The following LMO3 variants were observed in gnomAD, a reference collection of about 807,000 sequenced individuals.
LMO3 encodes LIM domain only protein 3.
In LMO3, 2 loss-of-function variants were observed where a neutral mutation model predicts 15.8. The observed-to-expected ratio is 0.13, with a 90% CI of 0.05 to 0.40. The LOEUF (loss-of-function observed/expected upper bound fraction) is 0.40, where lower values mean the gene tolerates loss of function less well. LMO3 is among the 10% of genes least tolerant of loss of function. The pLI is 0.99. For synonymous variants in LMO3, 62 were observed against 63.8 expected, an observed-to-expected ratio of 0.97 and a Z score of 0.13; for missense variants, 86 against 182.2, an observed-to-expected ratio of 0.47 and a Z score of 3.04.
rs1423687277 is a variant in LMO3 at position 16,585,071 on chromosome 12, A to G, written c.206+15584T>C. Among the ~76,000 whole-genome samples, 1 of 152,222 alleles carries G rather than the reference A, an allele frequency of 6.6e-6. No individual in the cohort carries two copies. The highest frequency in any genetic ancestry group is 1.5e-5 in the Non-Finnish European group (1 of 68,036). The stretch of plus-strand genomic sequence containing the variant: ...TAGAAAAAATATCTGGTTTATCCAG[A>G]AAAATCAGCAACATTAGGCCCACAT... On this transcript the variant is annotated intron_variant, in intron 2 of 3. Coordinates refer to ENST00000537304, the MANE Select transcript of LMO3 (RefSeq NM_018640.5). This position sits in a 1 kb window ranked among gnomAD's most constrained non-coding sequence, Gnocchi z 4.7.
chr12:16,591,010 C>T lies in LMO3; in HGVS notation c.206+9645G>A, dbSNP rs1943479803. Among the ~76,000 whole-genome samples the T allele has an allele frequency of 6.6e-6, 1 of 151,924 alleles. No individual in the cohort carries two copies. The highest frequency in any genetic ancestry group is 2.1e-4 in the South Asian group (1 of 4,822). On this transcript the variant is annotated intron_variant, in intron 2 of 3. Coordinates refer to ENST00000537304, the MANE Select transcript of LMO3 (RefSeq NM_018640.5). The surrounding 1 kb of genome is among the most constrained non-coding windows in gnomAD (Gnocchi z 4.1). ...ATTCAGCAGATGAATTCTATAATCC[C>T]AAATGAAATTGATTTCACAACTGCC...
At position 16,584,429 on chromosome 12, in the gene LMO3, G is replaced by A. The variant is rs941302845; in HGVS notation, c.206+16226C>T. The stretch of plus-strand genomic sequence containing the variant: ...TGATGGGAAAGGCATCTGGCCAAAA[G>A]ATTGTGGACACAGCAAAAGTTATTG... On this transcript the variant is annotated intron_variant, in intron 2 of 3. Transcript: ENST00000537304. The surrounding 1 kb of genome is among the most constrained non-coding windows in gnomAD (Gnocchi z 5.2). Among the ~76,000 whole-genome samples the A allele has an allele frequency of 6.6e-6, 1 of 152,208 alleles. No homozygotes were observed. Among genetic ancestry groups the A allele is most frequent in the African/African-American group, 2.4e-5 (1 of 41,466 alleles).
rs60838238 is a variant in LMO3 at position 16,559,798 on chromosome 12, G to GAAAAAAAAAAAAA, written c.332+602_332+614dup. Among the ~76,000 whole-genome samples the GAAAAAAAAAAAAA allele has an allele frequency of 7.2e-6, 1 of 138,312 alleles. No homozygotes were observed. The highest frequency in any genetic ancestry group is 1.6e-5 in the Non-Finnish European group (1 of 63,886). 90.7% of individuals were successfully genotyped at this position (138,312 alleles called of 152,430 possible). On this transcript the variant is annotated intron_variant, in intron 3 of 3. Transcript: ENST00000537304. The surrounding 1 kb of genome is among the most constrained non-coding windows in gnomAD (Gnocchi z 4.1). ...AAACTCCATCATCTCTATAAAAAAT[G>GAAAAAAAAAAAAA]AAAAAAAAAAAAAATTAGCCAGGCA...
At chr12:16,564,222 A>G (rs1591782624) in intron 2 of LMO3, among the ~76,000 whole-genome samples, 1 of 152,198 alleles carries the variant, frequency 6.6e-6, no homozygotes, top group Non-Finnish European at 1.5e-5. Flanking sequence ...AACACGGCCT[A>G]CCTGTATGCT....
intron 1 of LMO3, chr12:16,605,008 AC>A: frequency 1.9e-6 from 3 of 1,576,560 alleles, no homozygotes; most frequent in Non-Finnish European, 2.6e-6. Context: ...CGCAGCCTAC[AC>A]CGCCGAGGAC....
chr12:16,576,912 G>A lies in LMO3; in HGVS notation c.207-16374C>T, dbSNP rs142981782. Among the ~76,000 whole-genome samples the A allele has an allele frequency of 6.6e-6, 1 of 152,204 alleles. No individual in the cohort carries two copies. Among genetic ancestry groups the A allele is most frequent in the African/African-American group, 2.4e-5 (1 of 41,536 alleles). On this transcript the variant is annotated intron_variant, in intron 2 of 3. Transcript: ENST00000537304. This position sits in a 1 kb window ranked among gnomAD's most constrained non-coding sequence, Gnocchi z 4.1. ...GAAATGATTATACCACCCTCCCCAC[G>A]TTCTTTCCTAAACTATCTATTTTAG...
At chr12:16,570,458 AAAAGAAAAAT>A (rs1465107946) in intron 2 of LMO3, among the ~76,000 whole-genome samples, 7 of 152,166 alleles carry the variant, frequency 4.6e-5, no homozygotes, top group Non-Finnish European at 1.0e-4. Context: ...TTTTCAACAG[AAAAGAAAAAT>A]AAAGAAAATG....
rs1353025481 is a variant in LMO3 at position 16,590,022 on chromosome 12, C to G, written c.206+10633G>C. On this transcript the variant is annotated intron_variant, in intron 2 of 3. Coordinates refer to ENST00000537304, the MANE Select transcript of LMO3 (RefSeq NM_018640.5). ...GTACCTCCTTATAAGATTCAAAGCA[C>G]ATTTGCATAGCTTCTTAGCCAAGTA... is the stretch of plus-strand genomic sequence containing the variant. Among the ~76,000 whole-genome samples the G allele has an allele frequency of 3.9e-5, 6 of 152,064 alleles. No individual in the cohort carries two copies. The East Asian group carries it at 9.7e-4, about 24-fold the overall frequency.
rs1943653245 is a variant in LMO3 at position 16,596,246 on chromosome 12, AG to A, written c.206+4408del. 6.6e-6 allele frequency among the ~76,000 whole-genome samples: 1 copy of A among 151,616 alleles called. No individual in the cohort carries two copies. The highest frequency in any genetic ancestry group is 2.4e-5 in the African/African-American group (1 of 41,424). ...AGCATAGCAAGCTTCAAATCATTTT[AG>A]TTAATTAGCAACTATGGTGAAGCAT... On this transcript the variant is annotated intron_variant, in intron 2 of 3. Transcript: ENST00000537304. This position sits in a 1 kb window ranked among gnomAD's most constrained non-coding sequence, Gnocchi z 4.3.
At chr12:16,562,013 A>C (rs1309239268) in intron 2 of LMO3, among the ~76,000 whole-genome samples, 1 of 152,182 alleles carries the variant, frequency 6.6e-6, no homozygotes, top group African/African-American at 2.4e-5. Flanking sequence ...TATTTTAAGG[A>C]CTATAACCCA....
rs1187233534 is a variant in LMO3 at position 16,598,044 on chromosome 12, T to C, written c.206+2611A>G. 6.6e-6 allele frequency: 1 copy of C among 152,048 alleles called. No individual in the cohort carries two copies. The highest frequency in any genetic ancestry group is 1.5e-5 in the Non-Finnish European group (1 of 67,924). 9.4% of individuals were successfully genotyped at this position (152,048 alleles called of 1,614,324 possible). ...ACACAGTAAGCATTTAATAAACATT[T>C]TTGAACAACTATTTGTATCTAATCA... On this transcript the variant is annotated intron_variant, in intron 2 of 3. Coordinates refer to ENST00000537304, the MANE Select transcript of LMO3 (RefSeq NM_018640.5). This position sits in a 1 kb window ranked among gnomAD's most constrained non-coding sequence, Gnocchi z 4.3.
At chr12:16,590,108 G>C (rs1943443817) in intron 2 of LMO3, among the ~76,000 whole-genome samples, 1 of 151,960 alleles carries the variant, frequency 6.6e-6, no homozygotes, top group Non-Finnish European at 1.5e-5. Flanking sequence ...ACTTTGATTT[G>C]TACCCAAAGT....
intron 2 of LMO3, among the ~76,000 whole-genome samples, chr12:16,569,978 A>G (rs1217481946): frequency 6.6e-6 from 1 of 152,188 alleles, no homozygotes; most frequent in Non-Finnish European, 1.5e-5. Flanking sequence ...ATCAGCCACA[A>G]TTATACGAGC....
At position 16,560,523 on chromosome 12, in the gene LMO3, C is replaced by G. The variant is rs754368865; in HGVS notation, c.222G>C (p.Thr74=). 6.2e-7 allele frequency: 1 copy of G among 1,611,606 alleles called. No individual in the cohort carries two copies. The highest frequency in any genetic ancestry group is 8.5e-7 in the Non-Finnish European group (1 of 1,179,264). The change falls in exon 3 of 4, where the codon ACG becomes ACC. Residue 74 remains threonine, a synonymous_variant. Coordinates refer to ENST00000537304, the MANE Select transcript of LMO3 (RefSeq NM_018640.5). This position sits in a 1 kb window ranked among gnomAD's most constrained non-coding sequence, Gnocchi z 5.0. ...RRDYLRLFGV[T]GNCAACSKLI... ...GCTTACTACAGGCAGCGCAGTTTCC[C>G]GTTACACCAAAGAGCCTAGAATAAG... is the stretch of plus-strand genomic sequence containing the variant.
rs1941951802 is a variant in LMO3, at chr12:16,550,567, A to G, written c.*655T>C. 1.3e-5 allele frequency: 2 copies of G among 152,370 alleles called. No homozygotes were observed. The highest frequency in any genetic ancestry group is 4.8e-5 in the African/African-American group (2 of 41,422). The allele number at this position is 152,370 out of a possible 1,614,324, so 9.4% of individuals were successfully genotyped here. On this transcript the variant is annotated 3_prime_UTR_variant, in exon 4 of 4. Coordinates refer to ENST00000537304, the MANE Select transcript of LMO3 (RefSeq NM_018640.5). ...ATGAAATTTTTATGTATTTTTTTAA[A>G]GCTGATTTTTAACCCCCTGAAAATA...
At position 16,605,695 on chromosome 12, in the gene LMO3, C is replaced by G. The variant is rs145135946; in HGVS notation, c.-9+371G>C. The G allele has an allele frequency of 8.6e-6, 12 of 1,393,588 alleles. No individual in the cohort carries two copies. The East Asian group carries it at 3.0e-4, about 35-fold the overall frequency. 86.3% of individuals were successfully genotyped at this position (1,393,588 alleles called of 1,614,324 possible). On this transcript the variant is annotated intron_variant, in intron 1 of 3. Coordinates refer to ENST00000537304, the MANE Select transcript of LMO3 (RefSeq NM_018640.5). ...AATTCCAAACTCTCCCTGCCCCTCT[C>G]TCCCCGGGAGTCAGGGGTGTGGAAA...
chr12:16,552,602 G>A (rs1437449376), intron 3 of LMO3, among the ~76,000 whole-genome samples: 1 of 152,030 alleles, frequency 6.6e-6, no homozygotes, highest in Non-Finnish European at 1.5e-5. Flanking sequence ...AATAAAAAAA[G>A]TAGACTGAAA....
intron 2 of LMO3, among the ~76,000 whole-genome samples, chr12:16,580,120 A>C (rs1322822934): frequency 1.3e-5 from 2 of 152,194 alleles, no homozygotes; most frequent in Non-Finnish European, 2.9e-5. Flanking sequence ...AAAACAAAAT[A>C]TACACCTACG....
rs1281794075 is a variant in LMO3, at chr12:16,585,122, AT to A, written c.206+15532del. On this transcript the variant is annotated intron_variant, in intron 2 of 3. Coordinates refer to ENST00000537304, the MANE Select transcript of LMO3 (RefSeq NM_018640.5). This position sits in a 1 kb window ranked among gnomAD's most constrained non-coding sequence, Gnocchi z 4.7. ...TCGTACAGTGTGCTGGAATTAAGTCATGGCTTCCCCCTTTGGGTGGCGCATG... is the reference window on the plus strand; with the variant it reads ...TCGTACAGTGTGCTGGAATTAAGTCAGGCTTCCCCCTTTGGGTGGCGCATG... Among the ~76,000 whole-genome samples, 3 of 152,174 alleles carry A rather than the reference AT, an allele frequency of 2.0e-5. No homozygotes were observed. Among genetic ancestry groups the A allele is most frequent in the African/African-American group, 7.2e-5 (3 of 41,452 alleles).
Sources: allele counts gnomAD v4.1 joint callset (sites outside exome capture counted in the v4.1 genomes callset), GRCh38; gene constraint gnomAD v4.1.1; non-coding constraint Gnocchi (gnomAD v3.1); transcripts MANE v1.5; gene names NCBI Gene and HGNC (gene_info 2026-07-23, HGNC 2026-07-21).